TRHDE: variants seen among roughly 807,000 people sequenced by gnomAD.
The protein encoded by TRHDE is thyrotropin releasing hormone degrading enzyme.
Under a neutral mutation model 125.7 loss-of-function variants are expected in TRHDE, and 72 were observed. The observed-to-expected ratio is 0.57, with a 90% CI of 0.47 to 0.70. The LOEUF is 0.70. Among genes scored for constraint, TRHDE ranks in the 30% least tolerant of loss-of-function variants. TRHDE has a pLI of 0.00. For synonymous variants in TRHDE, 509 were observed against 509.1 expected, an observed-to-expected ratio of 1.00 and a Z score of 0.00; for missense variants, 1,110 against 1,327.1, an observed-to-expected ratio of 0.84 and a Z score of 2.54.
At chr12:72,660,513 G>A (rs372019522) in intron 18 of TRHDE, among the ~76,000 whole-genome samples, 2 of 152,208 alleles carry the variant, frequency 1.3e-5, no homozygotes, top group Admixed American at 6.5e-5. Context: ...GCCCTTATGC[G>A]GGCATGACAG....
At chr12:72,566,917 C>A (rs1870474767) in intron 9 of TRHDE, among the ~76,000 whole-genome samples, 1 of 151,684 alleles carries the variant, frequency 6.6e-6, no homozygotes, top group African/African-American at 2.4e-5. Context: ...GTAGAAATGC[C>A]TTCTATTTTC....
Position 72,642,638 on chromosome 12 carries a change from AAC to A in TRHDE, c.2676-9680_2676-9679del, listed in dbSNP as rs1874112731. Among the ~76,000 whole-genome samples, 4 of 152,276 alleles carry A rather than the reference AAC, an allele frequency of 2.6e-5. No homozygotes were observed. In the South Asian group the frequency reaches 8.3e-4, roughly 32 times the overall value. The stretch of plus-strand genomic sequence containing the variant: ...TGTATACCGTACCTAGAGAAAAACA[AAC>A]ACAGTTTTCCTTCCCAGATAATAAA... On this transcript the variant is annotated intron_variant, in intron 15 of 18. Transcript: ENST00000261180.
At chr12:72,589,301 T>C (rs1871572075) in intron 12 of TRHDE, among the ~76,000 whole-genome samples, 1 of 152,208 alleles carries the variant, frequency 6.6e-6, no homozygotes, top group South Asian at 2.1e-4. Flanking sequence ...ACTCTTTTCA[T>C]ATGCTCATTT....
At chr12:72,544,644 T>G (rs912815978) in intron 7 of TRHDE, among the ~76,000 whole-genome samples, 2 of 151,478 alleles carry the variant, frequency 1.3e-5, no homozygotes, top group Non-Finnish European at 3.0e-5. Flanking sequence ...GAACAATGTC[T>G]TAATGCTCTT....
intron 18 of TRHDE, among the ~76,000 whole-genome samples, chr12:72,659,012 C>T (rs1411613901): frequency 6.6e-6 from 1 of 152,156 alleles, no homozygotes; most frequent in Non-Finnish European, 1.5e-5. Flanking sequence ...TCTACCATAA[C>T]CCATAAGCCT....
intron 3 of TRHDE, among the ~76,000 whole-genome samples, chr12:72,456,105 A>C (rs1197720496): frequency 6.8e-6 from 1 of 148,062 alleles, no homozygotes; most frequent in African/African-American, 2.5e-5. Context: ...TAATAGAAAT[A>C]TTATATAAAT....
At chr12:72,099,150 T>A (rs1875007549) in intron 1 of TRHDE, among the ~76,000 whole-genome samples, 2 of 148,042 alleles carry the variant, frequency 1.4e-5, no homozygotes, top group South Asian at 2.1e-4. Flanking sequence ...GGCAACAGAG[T>A]GAGACTCTGT....
At chr12:72,303,657 C>T (rs181936783) in intron 2 of TRHDE, among the ~76,000 whole-genome samples, 1 of 152,164 alleles carries the variant, frequency 6.6e-6, no homozygotes, top group East Asian at 1.9e-4. Flanking sequence ...CTTCCCATGC[C>T]CTCTATTTGG....
intron 9 of TRHDE, among the ~76,000 whole-genome samples, chr12:72,564,984 C>G (rs749815222): frequency 6.6e-6 from 1 of 151,918 alleles, no homozygotes; most frequent in Non-Finnish European, 1.5e-5. Flanking sequence ...GAGAACTTGG[C>G]ATATAAAATA....
At chr12:72,589,419 T>C (rs1871578445) in intron 12 of TRHDE, among the ~76,000 whole-genome samples, 1 of 152,182 alleles carries the variant, frequency 6.6e-6, no homozygotes, top group Non-Finnish European at 1.5e-5. Context: ...ACATGTGCCA[T>C]GGTGGTTTGC....
At chr12:72,480,312 T>C (rs937671560) in intron 5 of TRHDE, among the ~76,000 whole-genome samples, 1 of 151,386 alleles carries the variant, frequency 6.6e-6, no homozygotes, top group Non-Finnish European at 1.5e-5. Context: ...CTCCACATCC[T>C]CTCCAGCACC....
intron 2 of TRHDE, among the ~76,000 whole-genome samples, chr12:72,295,755 A>G (rs1880273786): frequency 6.6e-6 from 1 of 151,310 alleles, no homozygotes; most frequent in Admixed American, 6.6e-5. Context: ...AGAGAATTAG[A>G]GGAGTATAGG....
At chr12:72,646,199 T>C (rs965122817) in intron 15 of TRHDE, among the ~76,000 whole-genome samples, 14 of 152,102 alleles carry the variant, frequency 9.2e-5, no homozygotes, top group Non-Finnish European at 2.1e-4. Context: ...AGGTACAAAT[T>C]GTGAAAACAA....
intron 3 of TRHDE, among the ~76,000 whole-genome samples, chr12:72,442,829 C>T (rs1211897322): frequency 6.6e-6 from 1 of 151,820 alleles, no homozygotes; most frequent in Non-Finnish European, 1.5e-5. Flanking sequence ...GCCTTCATAT[C>T]AGTCATCCAA....
At chr12:72,621,363 T>G (rs1180750192) in intron 14 of TRHDE, 158 bp downstream of exon 14, 1 of 606,660 alleles carries the variant, frequency 1.6e-6, no homozygotes, top group Non-Finnish European at 2.9e-6. Context: ...TAGCACAGTT[T>G]CCATTGCCTG....
At chr12:72,512,459 ATATAT>A (rs1211868801) in intron 6 of TRHDE, among the ~76,000 whole-genome samples, 24 of 138,062 alleles carry the variant, frequency 1.7e-4, no homozygotes, top group Admixed American at 6.1e-4. Flanking sequence ...TATAATTATA[ATATAT>A]TATATAGTTA....
chr12:72,218,039 A>T (rs1452167372), intron 2 of TRHDE, among the ~76,000 whole-genome samples: 1 of 152,128 alleles, frequency 6.6e-6, no homozygotes, highest in African/African-American at 2.4e-5. Flanking sequence ...AATAGGCTTG[A>T]ATTTTACTTT....
chr12:72,607,845 C>T (rs1194426097), intron 12 of TRHDE, among the ~76,000 whole-genome samples: 1 of 152,050 alleles, frequency 6.6e-6, no homozygotes, highest in Non-Finnish European at 1.5e-5. Flanking sequence ...CTTTCCAAGC[C>T]TTTCCTCTTT....
intron 3 of TRHDE, among the ~76,000 whole-genome samples, chr12:72,463,820 T>G (rs1277921388): frequency 6.6e-6 from 1 of 152,210 alleles, no homozygotes; most frequent in Non-Finnish European, 1.5e-5. Flanking sequence ...CATTTCTAGC[T>G]TACAAGATTA....
Sources: allele counts gnomAD v4.1 joint callset (sites outside exome capture counted in the v4.1 genomes callset), GRCh38; gene constraint gnomAD v4.1.1; transcripts MANE v1.5; gene names NCBI Gene and HGNC (gene_info 2026-07-23, HGNC 2026-07-21).